RBMS3: variants seen among roughly 807,000 people sequenced by gnomAD.
RBMS3 encodes RNA-binding motif, single-stranded-interacting protein 3.
RBMS3 carries 27 observed loss-of-function variants against 66.8 expected under a neutral mutation model. That is an observed-to-expected ratio of 0.40 (90% CI 0.30 to 0.56). The LOEUF (loss-of-function observed/expected upper bound fraction) is 0.56, where lower values mean the gene tolerates loss of function less well. Ranked by LOEUF, RBMS3 falls within the 20% of genes least tolerant of loss-of-function variation. The pLI, the probability that RBMS3 is intolerant of heterozygous loss-of-function variation, is 0.40. For missense variants in RBMS3, 513 were observed against 549.5 expected (o/e 0.93, Z 0.66); for synonymous variants, 188 against 183.0 (o/e 1.03, Z -0.22).
At chr3:29,437,126 A>C (rs946941602) in intron 2 of RBMS3, among the ~76,000 whole-genome samples, 1 of 152,216 alleles carries the variant, frequency 6.6e-6, no homozygotes, top group African/African-American at 2.4e-5. Flanking sequence ...CAATTGTTAC[A>C]TATTCAAGAA....
chr3:29,585,969 A>T (rs1362448318), intron 3 of RBMS3, among the ~76,000 whole-genome samples: 3 of 152,088 alleles, frequency 2.0e-5, no homozygotes, highest in Non-Finnish European at 4.4e-5. Context: ...TAAAAGAAAC[A>T]ACTTCGTAAT....
chr3:29,665,421 A>G (rs1303647988), intron 4 of RBMS3, among the ~76,000 whole-genome samples: 2 of 152,382 alleles, frequency 1.3e-5, no homozygotes, highest in East Asian at 3.9e-4. Flanking sequence ...GTAATATTCA[A>G]TTAGATTTCA....
In RBMS3 at chr3:29,756,383, A is replaced by C. The variant is rs2055414124; in HGVS notation, c.558-6527A>C. ...TGAGACTGAGTAATTTATAAAGAAA[A>C]AGAGGTTTCATGGACTCACAGATCC... is the stretch of plus-strand genomic sequence containing the variant. On this transcript the variant is annotated intron_variant, in intron 5 of 14. Transcript: ENST00000383767. Among the ~76,000 whole-genome samples, 7 of 152,278 alleles carry C rather than the reference A, an allele frequency of 4.6e-5. No individual in the cohort carries two copies. The South Asian group carries it at 1.4e-3, about 32-fold the overall frequency.
chr3:29,854,762 A>G (rs2059028924), intron 6 of RBMS3, among the ~76,000 whole-genome samples: 2 of 152,334 alleles, frequency 1.3e-5, no homozygotes, highest in African/African-American at 4.8e-5. Flanking sequence ...GTAATGTAGC[A>G]TATTTAGGTC....
chr3:29,326,971 C>G (rs1019949735), intron 1 of RBMS3, among the ~76,000 whole-genome samples: 1 of 152,130 alleles, frequency 6.6e-6, no homozygotes, highest in African/African-American at 2.4e-5. Context: ...ACCTCATGAT[C>G]TGCCCGCACT....
At chr3:29,674,611 TAGAC>T (rs752368476) in intron 4 of RBMS3, among the ~76,000 whole-genome samples, 35 of 149,688 alleles carry the variant, frequency 2.3e-4, no homozygotes, top group Middle Eastern at 3.4e-3. Flanking sequence ...ACACCAATAA[TAGAC>T]AGAGAGCCAA....
At chr3:29,564,701 A>G (rs950099562) in intron 3 of RBMS3, among the ~76,000 whole-genome samples, 1 of 152,114 alleles carries the variant, frequency 6.6e-6, no homozygotes, top group Non-Finnish European at 1.5e-5. Flanking sequence ...ACCTCAAACC[A>G]GAAGGTTTAC....
rs3043394 is a variant in RBMS3 at position 29,507,012 on chromosome 3, T to TA, written c.307+18525dup. On this transcript the variant is annotated intron_variant, in intron 3 of 14. Coordinates refer to ENST00000383767, the MANE Select transcript of RBMS3 (RefSeq NM_001003793.3). The stretch of plus-strand genomic sequence containing the variant: ...TAAAGGTTTGTCAATTTTGTTTGTT[T>TA]AAAAAAAAAAAACTCTTGGTTTTGT... Among the ~76,000 whole-genome samples the TA allele has an allele frequency of 2.1e-3, 305 of 144,650 alleles. 2 individuals carry two copies. The highest frequency in any genetic ancestry group is 3.7e-3 in the African/African-American group (148 of 39,758). 94.9% of individuals were successfully genotyped at this position (144,650 alleles called of 152,430 possible).
chr3:29,865,106 G>GAGGAAGGAAGGACGGAAGGAAGGA (rs2059325799), intron 6 of RBMS3, among the ~76,000 whole-genome samples: 1 of 127,088 alleles, frequency 7.9e-6, no homozygotes, highest in Admixed American at 7.6e-5. Context: ...GGGAGGGAGG[G>GAGGAAGGAAGGACGGAAGGAAGGA]AGGAAGGAAG....
chr3:29,360,123 T>C (rs1439617449), intron 1 of RBMS3, among the ~76,000 whole-genome samples: 2 of 152,212 alleles, frequency 1.3e-5, no homozygotes, highest in African/African-American at 4.8e-5. Flanking sequence ...TCTCTAGTTC[T>C]TTTCATTGTG....
chr3:29,793,236 A>AAAAAAG (rs55831678), intron 6 of RBMS3, among the ~76,000 whole-genome samples: 33,445 of 150,230 alleles, frequency 0.22, 4,493 homozygotes, highest in Non-Finnish European at 0.3. Context: ...ATCTCAAAAA[A>AAAAAAG]AAAAAGAAAA....
chr3:29,298,092 G>C (rs1192498851), intron 1 of RBMS3, among the ~76,000 whole-genome samples: 1 of 151,704 alleles, frequency 6.6e-6, no homozygotes, highest in African/African-American at 2.4e-5. Flanking sequence ...AGCTCTTCAT[G>C]CTCAAAACCC....
intron 8 of RBMS3, among the ~76,000 whole-genome samples, chr3:29,896,272 A>C (rs1325382082): frequency 2.0e-5 from 3 of 151,388 alleles, no homozygotes; most frequent in Non-Finnish European, 4.4e-5. Context: ...CTTTCTTAGA[A>C]AGACAACTCA....
intron 1 of RBMS3, among the ~76,000 whole-genome samples, chr3:29,393,880 G>A (rs2039424908): frequency 6.6e-6 from 1 of 152,156 alleles, no homozygotes. Flanking sequence ...TCACATGCTT[G>A]AAAGGGCAAT....
At chr3:29,587,430 G>A (rs184339613) in intron 4 of RBMS3, among the ~76,000 whole-genome samples, 2 of 151,756 alleles carry the variant, frequency 1.3e-5, no homozygotes, top group African/African-American at 4.8e-5. Flanking sequence ...TTTGGCTTAG[G>A]AGAATCTGTC....
intron 1 of RBMS3, among the ~76,000 whole-genome samples, chr3:29,410,742 T>G (rs1162420592): frequency 6.6e-6 from 1 of 152,196 alleles, no homozygotes. Flanking sequence ...TGATGAGCCC[T>G]CTGTTTAAAA....
intron 6 of RBMS3, among the ~76,000 whole-genome samples, chr3:29,791,876 A>G (rs1226481419): frequency 3.3e-5 from 5 of 152,234 alleles, no homozygotes; most frequent in Non-Finnish European, 5.9e-5. Flanking sequence ...AATTGCCACT[A>G]TCATATAATG....
At chr3:29,570,139 CTT>C (rs973327249) in intron 3 of RBMS3, among the ~76,000 whole-genome samples, 10 of 151,912 alleles carry the variant, frequency 6.6e-5, no homozygotes, top group African/African-American at 2.2e-4. Context: ...AATTACATAA[CTT>C]ATAAAATTAG....
rs189049390 is a variant in RBMS3, at chr3:29,926,022, C to G, written c.940-10064C>G. 1.8e-3 allele frequency among the ~76,000 whole-genome samples: 268 copies of G among 152,204 alleles called. 1 individual carries two copies. The highest frequency in any genetic ancestry group is 6.8e-3 in the Middle Eastern group (2 of 294). The stretch of plus-strand genomic sequence containing the variant: ...AAAGCTGTCTTTTATCTCATCTGGA[C>G]AGTTTTAAATATATTAATTGAAATC... On this transcript the variant is annotated intron_variant, in intron 10 of 14. Coordinates refer to ENST00000383767, the MANE Select transcript of RBMS3 (RefSeq NM_001003793.3).
Sources: allele counts gnomAD v4.1 joint callset (sites outside exome capture counted in the v4.1 genomes callset), GRCh38; gene constraint gnomAD v4.1.1; transcripts MANE v1.5; gene names NCBI Gene and HGNC (gene_info 2026-07-23, HGNC 2026-07-21).